SNTB2: variants seen among roughly 807,000 people sequenced by gnomAD.
SNTB2 encodes the protein syntrophin beta 2.
A neutral mutation model predicts 46.2 loss-of-function variants in SNTB2; 34 were observed. The ratio of observed to expected loss-of-function variants is 0.74; its 90% CI spans 0.56 to 0.98. The LOEUF (loss-of-function observed/expected upper bound fraction) is 0.98, where lower values mean the gene tolerates loss of function less well. Ranked by LOEUF, SNTB2 falls within the 50% of genes least tolerant of loss-of-function variation. SNTB2 has a pLI of 0.00. For missense variants in SNTB2, 603 were observed against 731.4 expected (o/e 0.82, Z 2.02); for synonymous variants, 290 against 312.6 (o/e 0.93, Z 0.76).
chr16:69,211,633 G>A (rs778895441), intron 1 of SNTB2, among the ~76,000 whole-genome samples: 10 of 151,946 alleles, frequency 6.6e-5, no homozygotes, highest in Non-Finnish European at 1.3e-4. Flanking sequence ...TTTGTTTTAC[G>A]TGGATTTATA....
At chr16:69,243,494 A>C (rs1964638172) in intron 1 of SNTB2, among the ~76,000 whole-genome samples, 1 of 152,190 alleles carries the variant, frequency 6.6e-6, no homozygotes, top group Non-Finnish European at 1.5e-5. Context: ...CAGTGATGCT[A>C]CTGTGTGATT....
At chr16:69,274,503 A>T (rs531102421) in intron 4 of SNTB2, among the ~76,000 whole-genome samples, 2 of 152,052 alleles carry the variant, frequency 1.3e-5, no homozygotes, top group Non-Finnish European at 2.9e-5. Context: ...ACTACAAAAA[A>T]TTAGCCGGGT....
intron 1 of SNTB2, among the ~76,000 whole-genome samples, chr16:69,214,127 AT>A (rs779200195): frequency 2.3e-3 from 296 of 126,294 alleles, no homozygotes; most frequent in East Asian, 8.6e-3. Context: ...CCAGCCTTTT[AT>A]TTTTTTTTTT....
chr16:69,244,230 C>G (rs1197209223), intron 1 of SNTB2, among the ~76,000 whole-genome samples: 1 of 152,134 alleles, frequency 6.6e-6, no homozygotes, highest in Non-Finnish European at 1.5e-5. Context: ...GAGCTATCAA[C>G]TATTAGGCCT....
chr16:69,251,891 G>A (rs1401787610), intron 2 of SNTB2, among the ~76,000 whole-genome samples: 1 of 152,148 alleles, frequency 6.6e-6, no homozygotes, highest in Non-Finnish European at 1.5e-5. Flanking sequence ...TTTGAGACCA[G>A]CCGGGCCAAC....
At chr16:69,258,483 A>G (rs1346812915) in intron 2 of SNTB2, among the ~76,000 whole-genome samples, 3 of 151,980 alleles carry the variant, frequency 2.0e-5, no homozygotes, top group Admixed American at 6.6e-5. Flanking sequence ...CAGAACAGTT[A>G]TAGTGTTGAT....
At chr16:69,190,110 CATT>C (rs1964036383) in intron 1 of SNTB2, among the ~76,000 whole-genome samples, 1 of 152,204 alleles carries the variant, frequency 6.6e-6, no homozygotes. Flanking sequence ...ACCAGTCAAA[CATT>C]ATTTAAAATT....
chr16:69,216,849 T>C (rs1355576476), intron 1 of SNTB2, among the ~76,000 whole-genome samples: 1 of 152,236 alleles, frequency 6.6e-6, no homozygotes, highest in African/African-American at 2.4e-5. Flanking sequence ...TTAGTTTGGC[T>C]GGGGTTGCTG....
At chr16:69,189,241 G>A (rs1483067410) in intron 1 of SNTB2, among the ~76,000 whole-genome samples, 2 of 152,030 alleles carry the variant, frequency 1.3e-5, no homozygotes, top group African/African-American at 2.4e-5. Context: ...GACATTGCTC[G>A]GAAATTAGTG....
intron 5 of SNTB2, among the ~76,000 whole-genome samples, chr16:69,297,507 A>G (rs1298326691): frequency 6.6e-6 from 1 of 151,330 alleles, no homozygotes; most frequent in East Asian, 1.9e-4. Flanking sequence ...AATCCCAGCT[A>G]CTCAGGAGGT....
intron 5 of SNTB2, among the ~76,000 whole-genome samples, chr16:69,286,046 G>A (rs1306454154): frequency 6.6e-6 from 1 of 151,994 alleles, no homozygotes; most frequent in Admixed American, 6.6e-5. Flanking sequence ...ACCGACCTCA[G>A]GTGATCCGCC....
At chr16:69,254,118 T>TA (rs1964751100) in intron 2 of SNTB2, among the ~76,000 whole-genome samples, 1 of 152,152 alleles carries the variant, frequency 6.6e-6, no homozygotes, top group Non-Finnish European at 1.5e-5. Context: ...GTCAGCCTGA[T>TA]ATACGATCTG....
chr16:69,193,318 CTTT>C lies in SNTB2; in HGVS notation c.580+5598_580+5600del, dbSNP rs57663863. 9.6e-3 allele frequency among the ~76,000 whole-genome samples: 671 copies of C among 69,818 alleles called. 5 individuals carry two copies. Among genetic ancestry groups the C allele is most frequent in the African/African-American group, 0.04 (631 of 15,618 alleles). The allele number at this position is 69,818 out of a possible 152,430, so 45.8% of individuals were successfully genotyped here. On this transcript the variant is annotated intron_variant, in intron 1 of 6. Coordinates refer to ENST00000336278, the MANE Select transcript of SNTB2 (RefSeq NM_006750.4). ...TTGAAAGAGACTCAGATGGTATAGA[CTTT>C]TTTTTTTTTTTTTTTTTTTTTTTTT...
Position 69,307,615 on chromosome 16 carries a change from C to T in SNTB2, c.*6691C>T, listed in dbSNP as rs963588652. The T allele has an allele frequency of 2.0e-5, 3 of 152,042 alleles. No homozygotes were observed. The highest frequency in any genetic ancestry group is 4.4e-5 in the Non-Finnish European group (3 of 68,006). The allele number at this position is 152,042 out of a possible 1,614,324, so 9.4% of individuals were successfully genotyped here. On this transcript the variant is annotated 3_prime_UTR_variant, in exon 7 of 7. Transcript: ENST00000336278. ...CCACCCTTAAACTATTTAAGCATTT[C>T]ATCTGCTGAAAGTCCTTATATACAT...
rs141919244 is a variant in SNTB2, at chr16:69,270,221, T to G, written c.1084T>G (p.Cys362Gly). 1 of 1,614,036 alleles carries G rather than the reference T, an allele frequency of 6.2e-7. No individual in the cohort carries two copies. The highest frequency in any genetic ancestry group is 1.3e-5 in the African/African-American group (1 of 74,908). ...VTEKDLLLYD[C>G]MPWTRDAWAS... ...TGAGAAGGATTTGCTGCTCTATGACTGTATGCCGTGGACAAGAGATGCCTG... is the reference window on the plus strand; with the variant it reads ...TGAGAAGGATTTGCTGCTCTATGACGGTATGCCGTGGACAAGAGATGCCTG... The change falls in exon 4 of 7, where the codon TGT becomes GGT. Residue 362 changes from cysteine to glycine, a missense_variant. Cys to Gly is a radical substitution (Grantham distance 159, BLOSUM62 -3). This residue lies in a region of SNTB2 where 537 missense variants were observed against 692.4 expected (regional missense o/e 0.78). Coordinates refer to ENST00000336278, the MANE Select transcript of SNTB2 (RefSeq NM_006750.4).
intron 1 of SNTB2, among the ~76,000 whole-genome samples, chr16:69,238,993 C>T (rs930531775): frequency 1.3e-5 from 2 of 152,174 alleles, no homozygotes; most frequent in African/African-American, 2.4e-5. Flanking sequence ...CTCCCAGCCC[C>T]GTTACCTTTG....
At position 69,299,762 on chromosome 16, in the gene SNTB2, C is replaced by G. The variant is rs747979866; in HGVS notation, c.1518C>G (p.Pro506=). Residue 506 remains proline, a synonymous_variant, in exon 6 of 7, where the codon CCC becomes CCG. Transcript: ENST00000336278. ...IRNLYLDFGG[P]EGELTMDLHS... is the part of the protein sequence containing the mutation. Reference sequence around the variant, plus strand: ...ATCTATACTTGGATTTTGGTGGTCCCGAGGGAGAACTGGTAAGAGTGTTTC... The same window carrying G: ...ATCTATACTTGGATTTTGGTGGTCCGGAGGGAGAACTGGTAAGAGTGTTTC... 2 of 1,613,984 alleles carry G rather than the reference C, an allele frequency of 1.2e-6. No homozygotes were observed. The highest frequency in any genetic ancestry group is 1.7e-6 in the Non-Finnish European group (2 of 1,179,966).
intron 1 of SNTB2, among the ~76,000 whole-genome samples, chr16:69,229,094 C>G (rs929684880): frequency 2.0e-5 from 3 of 152,156 alleles, no homozygotes; most frequent in Admixed American, 6.5e-5. Flanking sequence ...AAGAGTGACT[C>G]CCCCGACGTT....
At position 69,205,884 on chromosome 16, in the gene SNTB2, T is replaced by C. The variant is rs1350008328; in HGVS notation, c.580+18138T>C. On this transcript the variant is annotated intron_variant, in intron 1 of 6. Transcript: ENST00000336278. ...TACTTAAATGCAACCAATGTATTAT[T>C]AAAAATAACCCACTGTACGTTCATG... Among the ~76,000 whole-genome samples the C allele has an allele frequency of 5.3e-5, 8 of 152,318 alleles. No homozygotes were observed. The South Asian group carries it at 1.7e-3, about 32-fold the overall frequency.
Sources: allele counts gnomAD v4.1 joint callset (sites outside exome capture counted in the v4.1 genomes callset), GRCh38; gene constraint gnomAD v4.1.1; regional missense constraint gnomAD v4.1.1; transcripts MANE v1.5; gene names NCBI Gene and HGNC (gene_info 2026-07-23, HGNC 2026-07-21).